ZNF792: variants seen among roughly 807,000 people sequenced by gnomAD.
ZNF792 encodes zinc finger protein 792.
A neutral mutation model predicts 13.1 loss-of-function variants in ZNF792; 14 were observed. The observed-to-expected ratio is 1.07, with a 90% CI of 0.71 to 1.67. ZNF792 has a LOEUF of 1.67. Ranked by LOEUF, ZNF792 falls within the 40% of genes most tolerant of loss-of-function variation. ZNF792 has a pLI of 0.00. For missense variants in ZNF792, 740 were observed against 807.9 expected (o/e 0.92, Z 1.02); for synonymous variants, 257 against 292.0 (o/e 0.88, Z 1.22).
chr19:34,962,903 TA>T (rs1162893041), intron 1 of ZNF792, among the ~76,000 whole-genome samples: 1 of 152,198 alleles, frequency 6.6e-6, no homozygotes, highest in Non-Finnish European at 1.5e-5. Context: ...TCTCAGTTCA[TA>T]AAGCTGGATT....
chr19:34,960,565 G>A, intron 2 of ZNF792: 2 of 709,042 alleles, frequency 2.8e-6, no homozygotes, highest in Non-Finnish European at 4.6e-6. Flanking sequence ...CCACAGAACT[G>A]TCAGATCTGG....
intron 1 of ZNF792, among the ~76,000 whole-genome samples, chr19:34,961,246 C>T (rs2013524093): frequency 6.6e-6 from 1 of 152,146 alleles, no homozygotes; most frequent in Non-Finnish European, 1.5e-5. Flanking sequence ...CCTAGTGTCA[C>T]CAATGTCATG....
At chr19:34,960,657 C>A (rs1468529039) in intron 2 of ZNF792, 18 of 787,020 alleles carry the variant, frequency 2.3e-5, no homozygotes, top group Non-Finnish European at 3.6e-5. Context: ...AGCTTCCCTG[C>A]AAGGCTTCAG....
chr19:34,957,574 A>G lies in ZNF792; in HGVS notation c.*382T>C, dbSNP rs1185185865. On this transcript the variant is annotated 3_prime_UTR_variant, in exon 4 of 4. Coordinates refer to ENST00000404801, the MANE Select transcript of ZNF792 (RefSeq NM_175872.5). ...GTGTAGAGTAACATGAAGGCTGGAC[A>G]AATCCTTCACAGGCATAACATGAGA... 1.0e-5 allele frequency: 2 copies of G among 200,498 alleles called. No individual in the cohort carries two copies. Among genetic ancestry groups the G allele is most frequent in the Non-Finnish European group, 2.0e-5 (2 of 99,986 alleles). 12.4% of individuals were successfully genotyped at this position (200,498 alleles called of 1,614,324 possible).
chr19:34,963,858 G>A lies in ZNF792; in HGVS notation c.-196C>T, dbSNP rs1314017929. ...GGCCCGGGGCGCAGGCTCCGGGGGC[G>A]CCGAGAGCGCGCAGCTCCGCTGGGT... On this transcript the variant is annotated 5_prime_UTR_variant, in exon 1 of 4. Transcript: ENST00000404801. 2 of 612,780 alleles carry A rather than the reference G, an allele frequency of 3.3e-6. No individual in the cohort carries two copies. The highest frequency in any genetic ancestry group is 5.4e-6 in the Non-Finnish European group (2 of 369,882). The allele number at this position is 612,780 out of a possible 1,614,324, so 38.0% of individuals were successfully genotyped here.
chr19:34,959,718 T>C (rs1600243189), intron 3 of ZNF792, 147 bp from the exon 4 acceptor site: 1 of 876,958 alleles, frequency 1.1e-6, no homozygotes, highest in Non-Finnish European at 1.7e-6. Flanking sequence ...AATAATCTGC[T>C]CCGCCATACT....
intron 3 of ZNF792, among the ~76,000 whole-genome samples, 192 bp from the exon 4 acceptor site, chr19:34,959,763 ATCAGGACCAGGGAC>A (rs1178294885): frequency 1.1e-4 from 17 of 152,172 alleles, no homozygotes; most frequent in Non-Finnish European, 2.4e-4. Flanking sequence ...AGGAGGCCTT[ATCAGGACCAGGGAC>A]ACAAGGATGG....
chr19:34,963,594 G>T, intron 1 of ZNF792, 36 bp downstream of exon 1: 1 of 1,593,148 alleles, frequency 6.3e-7, no homozygotes, highest in Non-Finnish European at 8.5e-7. Context: ...AAGCGTGGGG[G>T]GCCGACAGCG....
At chr19:34,963,568 T>A in intron 1 of ZNF792, 62 bp downstream of exon 1, 1 of 1,574,256 alleles carries the variant, frequency 6.4e-7, no homozygotes. Context: ...CTTTTGCGTC[T>A]CAACACCGAG....
intron 3 of ZNF792, 27 bp from the exon 4 acceptor site, chr19:34,959,598 T>C: frequency 2.0e-6 from 3 of 1,515,358 alleles, no homozygotes; most frequent in Non-Finnish European, 2.6e-6. Flanking sequence ...GCTGGTGAAG[T>C]TCGTATAAAC....
At chr19:34,960,184 G>A in intron 3 of ZNF792, 51 bp downstream of exon 3, 1 of 1,600,580 alleles carries the variant, frequency 6.2e-7, no homozygotes, top group Non-Finnish European at 8.6e-7. Context: ...CTGGTATGAT[G>A]TAAACACAGT....
Position 34,958,525 on chromosome 19 carries a change from G to C in ZNF792, c.1330C>G (p.His444Asp). The C allele has an allele frequency of 6.3e-7, 1 of 1,595,228 alleles. No individual in the cohort carries two copies. The highest frequency in any genetic ancestry group is 8.5e-7 in the Non-Finnish European group (1 of 1,170,010). The change falls in exon 4 of 4, where the codon CAC (histidine) becomes GAC (aspartate). Residue 444 changes from histidine to aspartate, a missense_variant. His to Asp is a moderately conservative substitution (Grantham distance 81). Transcript: ENST00000404801. ...IASLIQHQIVHTGERPHGCGE... is the reference protein window; with the variant it reads ...IASLIQHQIVDTGERPHGCGE... ...CACCCGTGAGGCCGCTCGCCAGTGT[G>C]AACTATCTGATGTTGAATGAGGCTG...
chr19:34,959,544 T>G lies in ZNF792; in HGVS notation c.311A>C (p.Asp104Ala). Residue 104 changes from aspartate (D) to alanine (A), a missense_variant, in exon 4 of 4, where the codon GAC becomes GCC. Coordinates refer to ENST00000404801, the MANE Select transcript of ZNF792 (RefSeq NM_175872.5). Reference protein sequence around the residue: ...SDFCHGTEGKDLPSEHNVSVE... With the variant: ...SDFCHGTEGKALPSEHNVSVE... ...AGAAACGTTATGCTCAGAAGGTAAG[T>G]CCTTGCCCTCTGTTCCATGGCAAAA... The G allele has an allele frequency of 2.6e-6, 4 of 1,544,346 alleles. No individual in the cohort carries two copies. Among genetic ancestry groups the G allele is most frequent in the Non-Finnish European group, 3.5e-6 (4 of 1,146,000 alleles).
intron 2 of ZNF792, 102 bp from the exon 3 acceptor site, chr19:34,960,459 G>A: frequency 2.8e-6 from 4 of 1,446,866 alleles, no homozygotes; most frequent in Non-Finnish European, 3.7e-6. Flanking sequence ...AGGGACATTG[G>A]GTGGTCACGG....
chr19:34,958,396 A>G lies in ZNF792; in HGVS notation c.1459T>C (p.Phe487Leu), dbSNP rs1174391974. ...CTATTGAGGCTGGAGCTCTGGCTAA[A>G]TAACTTCCCACATTCATTGCATTCA... ...PYECNECGKL[F>L]SQSSSLNSHR... is the part of the protein sequence containing the mutation. Residue 487 changes from phenylalanine to leucine, a missense_variant, in exon 4 of 4, where the codon TTT (phenylalanine) becomes CTT (leucine). Physicochemically the swap from Phe to Leu is conservative, Grantham distance 22. Coordinates refer to ENST00000404801, the MANE Select transcript of ZNF792 (RefSeq NM_175872.5). The G allele has an allele frequency of 2.5e-6, 4 of 1,613,630 alleles. No homozygotes were observed. The highest frequency in any genetic ancestry group is 2.7e-5 in the African/African-American group (2 of 74,890).
chr19:34,962,166 C>G (rs554828531), intron 1 of ZNF792, among the ~76,000 whole-genome samples: 2 of 152,162 alleles, frequency 1.3e-5, no homozygotes, highest in Non-Finnish European at 2.9e-5. Context: ...GTTTCACCTC[C>G]TAAATCTCAC....
intron 1 of ZNF792, among the ~76,000 whole-genome samples, chr19:34,962,178 C>G (rs573138685): frequency 6.6e-6 from 1 of 152,152 alleles, no homozygotes; most frequent in Non-Finnish European, 1.5e-5. Flanking sequence ...AAATCTCACA[C>G]ACAGCTACAC....
intron 1 of ZNF792, among the ~76,000 whole-genome samples, chr19:34,963,312 G>A (rs1055930827): frequency 2.0e-5 from 3 of 152,004 alleles, no homozygotes; most frequent in Non-Finnish European, 4.4e-5. Flanking sequence ...CCTGGGTGGG[G>A]TTCCTTGAAC....
intron 1 of ZNF792, among the ~76,000 whole-genome samples, chr19:34,963,248 G>T (rs1002044839): frequency 1.3e-5 from 2 of 152,050 alleles, no homozygotes; most frequent in Non-Finnish European, 2.9e-5. Flanking sequence ...GTTCTGAGCT[G>T]TCTTCAGCCC....
Sources: gnomAD v4.1 joint callset for allele counts (sites outside exome capture counted in the v4.1 genomes callset) on GRCh38, gnomAD v4.1.1 for gene constraint, MANE v1.5 for transcripts, NCBI Gene and HGNC (gene_info 2026-07-23, HGNC 2026-07-21) for gene names.